Variants in HEMK2 observed in about 807,000 individuals in gnomAD.
The protein encoded by HEMK2 is HemK methyltransferase 2, ETF1 glutamine and histone H4 lysine.
the HEMK2 span, among the ~76,000 whole-genome samples, chr21:28,846,292 C>T: frequency 2.0e-5 from 3 of 152,044 alleles, no homozygotes; most frequent in Non-Finnish European, 4.4e-5. Context: ...GAAATGATTT[C>T]TATTCCTTTG....
chr21:28,868,200 C>T, the HEMK2 span, among the ~76,000 whole-genome samples: 1 of 152,124 alleles, frequency 6.6e-6, no homozygotes, highest in African/African-American at 2.4e-5. Context: ...AGCTCAAGCT[C>T]TCTCATGCTC....
chr21:28,775,495 T>C, the HEMK2 span, among the ~76,000 whole-genome samples: 1 of 152,200 alleles, frequency 6.6e-6, no homozygotes, highest in Non-Finnish European at 1.5e-5. Flanking sequence ...AGTATCACTA[T>C]GTAAATCGTA....
At chr21:28,648,337 T>C in the HEMK2 span, among the ~76,000 whole-genome samples, 2 of 152,160 alleles carry the variant, frequency 1.3e-5, no homozygotes, top group Admixed American at 6.5e-5. Context: ...TGGCAAAAAG[T>C]AGGTTATGTA....
At chr21:28,627,913 T>C in the HEMK2 span, among the ~76,000 whole-genome samples, 4 of 152,192 alleles carry the variant, frequency 2.6e-5, no homozygotes, top group African/African-American at 7.2e-5. Context: ...TCTGACTGGT[T>C]GCTGGCCACT....
the HEMK2 span, among the ~76,000 whole-genome samples, chr21:28,870,352 TCA>T: frequency 6.6e-6 from 1 of 152,320 alleles, no homozygotes; most frequent in East Asian, 1.9e-4. Context: ...TAACTAAAGT[TCA>T]CAGTTTATAT....
the HEMK2 span, among the ~76,000 whole-genome samples, chr21:28,663,891 A>C: frequency 1.3e-5 from 2 of 152,202 alleles, no homozygotes; most frequent in African/African-American, 4.8e-5. Context: ...TTGTAAGAGC[A>C]AGAGTCCATC....
chr21:28,809,127 T>G, the HEMK2 span, among the ~76,000 whole-genome samples: 1 of 152,122 alleles, frequency 6.6e-6, no homozygotes, highest in South Asian at 2.1e-4. Context: ...TGAGAGGGAT[T>G]GCTGATTAGT....
chr21:28,580,343 G>A, the HEMK2 span, among the ~76,000 whole-genome samples: 1 of 152,106 alleles, frequency 6.6e-6, no homozygotes, highest in Non-Finnish European at 1.5e-5. Context: ...TCTCTACAGA[G>A]CCCTGCAAGG....
the HEMK2 span, among the ~76,000 whole-genome samples, chr21:28,587,175 CAAAAA>C: frequency 2.1e-5 from 3 of 144,184 alleles, no homozygotes; most frequent in African/African-American, 7.5e-5. Context: ...AGGAAATAAA[CAAAAA>C]AAAAAAAAAC....
chr21:28,877,174 GAAAGA>G, the HEMK2 span, among the ~76,000 whole-genome samples: 1 of 129,190 alleles, frequency 7.7e-6, no homozygotes, highest in African/African-American at 2.9e-5. Context: ...AAGAAAGAAA[GAAAGA>G]GAGGGAGGGA....
the HEMK2 span, among the ~76,000 whole-genome samples, chr21:28,786,667 C>CAA: frequency 8.7e-5 from 8 of 92,030 alleles, no homozygotes; most frequent in Non-Finnish European, 1.2e-4. Context: ...GTGAGACTGT[C>CAA]AAAAAAAAAA....
the HEMK2 span, among the ~76,000 whole-genome samples, chr21:28,720,047 TTGA>T: frequency 6.6e-6 from 1 of 152,224 alleles, no homozygotes; most frequent in South Asian, 2.1e-4. Context: ...GTGCTTCGGT[TTGA>T]TGATTTCACT....
the HEMK2 span, chr21:28,873,048 T>C: frequency 6.6e-6 from 1 of 152,242 alleles, no homozygotes; most frequent in Admixed American, 6.5e-5. Flanking sequence ...CCCATAAACA[T>C]CTCTTTAAAC....
At chr21:28,709,881 G>A in the HEMK2 span, among the ~76,000 whole-genome samples, 1 of 152,174 alleles carries the variant, frequency 6.6e-6, no homozygotes, top group Non-Finnish European at 1.5e-5. Flanking sequence ...GAGGATATTA[G>A]AAAGCATTGC....
At chr21:28,702,293 C>A in the HEMK2 span, among the ~76,000 whole-genome samples, 9 of 134,482 alleles carry the variant, frequency 6.7e-5, 1 homozygote, top group Admixed American at 7.6e-5. Context: ...GACAAAGATG[C>A]CAAAAGCTAT....
At chr21:28,849,785 G>A in the HEMK2 span, among the ~76,000 whole-genome samples, 3 of 152,262 alleles carry the variant, frequency 2.0e-5, no homozygotes, top group East Asian at 5.8e-4. Context: ...AGATATTGAA[G>A]ACCAGTTCTC....
chr21:28,821,680 T>C, the HEMK2 span, among the ~76,000 whole-genome samples: 1 of 152,142 alleles, frequency 6.6e-6, no homozygotes, highest in Non-Finnish European at 1.5e-5. Context: ...AACCCAAGAA[T>C]ACTCTTCCCA....
At chr21:28,729,727 G>A in the HEMK2 span, among the ~76,000 whole-genome samples, 28 of 152,204 alleles carry the variant, frequency 1.8e-4, 1 homozygote, top group South Asian at 2.3e-3. Flanking sequence ...CCTGGGCCGC[G>A]TGTGGCCCAC....
the HEMK2 span, among the ~76,000 whole-genome samples, chr21:28,884,503 A>C: frequency 6.6e-6 from 1 of 152,232 alleles, no homozygotes. Context: ...TAAAAATCAC[A>C]ATGTCAGTAT....
Sources: allele counts gnomAD v4.1 joint callset (sites outside exome capture counted in the v4.1 genomes callset), GRCh38; gene constraint gnomAD v4.1.1; transcripts MANE v1.5; gene names NCBI Gene and HGNC (gene_info 2026-07-23, HGNC 2026-07-21).